The following GYG2 variants were observed in gnomAD, a reference collection of about 807,000 sequenced individuals.
GYG2 encodes glycogenin 2.
A neutral mutation model predicts 29.4 loss-of-function variants in GYG2; 29 were observed. The observed-to-expected ratio is 0.99, with a 90% CI of 0.74 to 1.35. The LOEUF is 1.35. GYG2 is among the 40% of genes most tolerant of loss of function. The pLI is 0.00. For synonymous variants in GYG2, 167 were observed against 172.3 expected (o/e 0.97, Z 0.24); for missense variants, 370 against 385.7 (o/e 0.96, Z 0.34).
chrX:2,859,924 G>A lies in GYG2; in HGVS notation c.696G>A (p.Ser232=), dbSNP rs766374174. The change falls in exon 7 of 11, where the codon TCG becomes TCA. Residue 232 remains serine (S), a synonymous_variant. Transcript: ENST00000398806. ...WNYKYNPQSG[S]VLEQGSASSS... ...ACAAGTACAATCCACAGAGTGGCTC[G>A]GTGTTGGAGCAAGGCTCAGCGTCCA... 1.0e-5 allele frequency: 12 copies of A among 1,197,634 alleles called. No homozygotes were observed. The East Asian group carries it at 1.2e-4, about 12-fold the overall frequency.
At chrX:2,869,032 A>G (rs1409903717) in intron 8 of GYG2, among the ~76,000 whole-genome samples, 1 of 101,830 alleles carries the variant, frequency 9.8e-6, no homozygotes, top group Non-Finnish European at 2.0e-5. Flanking sequence ...AAAAAAAAAG[A>G]GGGATGCTGT....
rs371017799 is a variant in GYG2, at chrX:2,835,907, T to A, written c.7+5712T>A. On this transcript the variant is annotated intron_variant, in intron 2 of 10. Transcript: ENST00000398806. The stretch of plus-strand genomic sequence containing the variant: ...GTAAGATGGCACAAGAGATGAAGGG[T>A]CCTGTGTCATAGGAGGTGAGGGACT... 1.5e-4 allele frequency among the ~76,000 whole-genome samples: 17 copies of A among 110,141 alleles called. No homozygotes were observed. In the East Asian group the frequency reaches 3.7e-3, roughly 24 times the overall value.
chrX:2,839,643 A>G (rs2087451843), intron 2 of GYG2, among the ~76,000 whole-genome samples: 1 of 111,072 alleles, frequency 9.0e-6, no homozygotes, highest in East Asian at 2.8e-4. Flanking sequence ...ATACTCCTTA[A>G]TGAGTGCAGG....
At chrX:2,833,462 C>A (rs1603458499) in intron 2 of GYG2, among the ~76,000 whole-genome samples, 2 of 111,406 alleles carry the variant, frequency 1.8e-5, no homozygotes, top group East Asian at 5.6e-4. Flanking sequence ...TCCCTGAGGT[C>A]CCCATGAAGA....
At chrX:2,859,737 G>A in intron 6 of GYG2, 106 bp from the exon 7 acceptor site, 2 of 478,773 alleles carry the variant, frequency 4.2e-6, no homozygotes, top group Non-Finnish European at 7.3e-6. Flanking sequence ...ATTGGGACAA[G>A]TCCTTCAGAG....
chrX:2,851,643 T>G (rs1180847763), intron 3 of GYG2, among the ~76,000 whole-genome samples: 2 of 112,220 alleles, frequency 1.8e-5, no homozygotes, highest in Non-Finnish European at 3.8e-5. Flanking sequence ...CAGTGTGTCA[T>G]GCTATGGAGT....
At chrX:2,865,506 C>T (rs753332236) in intron 8 of GYG2, among the ~76,000 whole-genome samples, 32 of 111,357 alleles carry the variant, frequency 2.9e-4, no homozygotes, top group Non-Finnish European at 5.3e-4. Flanking sequence ...TATGTAGCTT[C>T]GTGTTTGTCC....
At chrX:2,844,508 A>G (rs1424336545) in intron 3 of GYG2, among the ~76,000 whole-genome samples, 1 of 102,377 alleles carries the variant, frequency 9.8e-6, no homozygotes, top group Non-Finnish European at 2.0e-5. Flanking sequence ...GTGCGTATAT[A>G]TGTGTATACG....
chrX:2,852,864 G>A (rs746375457), intron 3 of GYG2: 7 of 110,711 alleles, frequency 6.3e-5, no homozygotes, highest in South Asian at 7.5e-4. Context: ...ATTATATATC[G>A]CTTCACAAAG....
chrX:2,870,796 A>G (rs940710221), intron 8 of GYG2, among the ~76,000 whole-genome samples: 3 of 111,771 alleles, frequency 2.7e-5, no homozygotes, highest in Non-Finnish European at 5.6e-5. Flanking sequence ...CTCACATTTA[A>G]TTATAGTCCA....
intron 3 of GYG2, among the ~76,000 whole-genome samples, chrX:2,848,559 AC>A (rs1569060154): frequency 3.0e-5 from 3 of 101,246 alleles, no homozygotes; most frequent in Non-Finnish European, 6.1e-5. Flanking sequence ...AAAAAAAAAA[AC>A]CTGACTATAT....
intron 6 of GYG2, among the ~76,000 whole-genome samples, chrX:2,858,608 T>G (rs150824923): frequency 2.5e-3 from 275 of 112,048 alleles, no homozygotes; most frequent in African/African-American, 8.4e-3. Flanking sequence ...GAGAATCACC[T>G]TGGGAATGAA....
At chrX:2,880,164 A>ATGTGTGTG (rs10534403) in intron 10 of GYG2, among the ~76,000 whole-genome samples, 1,071 of 105,199 alleles carry the variant, frequency 0.01, 8 homozygotes, top group Admixed American at 0.014. Flanking sequence ...GCCAAACAAA[A>ATGTGTGTG]TGTGTGTGTG....
In GYG2 at chrX:2,844,606, A is replaced by G. The variant is rs376566176; in HGVS notation, c.149+1252A>G. ...TGCGTATATGTGTATACGCACACGC[A>G]TGCGTATATGTGTATACGCACACGC... On this transcript the variant is annotated intron_variant, in intron 3 of 10. Coordinates refer to ENST00000398806, the MANE Select transcript of GYG2 (RefSeq NM_001079855.2). Among the ~76,000 whole-genome samples the G allele has an allele frequency of 1.8e-3, 66 of 37,204 alleles. 8 individuals carry two copies. The highest frequency in any genetic ancestry group is 0.013 in the Admixed American group (37 of 2,870). The allele number at this position is 37,204 out of a possible 115,157, so 32.3% of individuals were successfully genotyped here. A position where few individuals can be genotyped will look rare whatever the true frequency, so the allele number is the denominator to read the frequency against.
At chrX:2,847,591 C>T (rs958348143) in intron 3 of GYG2, among the ~76,000 whole-genome samples, 2 of 105,365 alleles carry the variant, frequency 1.9e-5, no homozygotes, top group African/African-American at 6.9e-5. Flanking sequence ...GTAATCCCAG[C>T]TACTCGGTGA....
chrX:2,863,723 C>G (rs1200464881), intron 8 of GYG2, among the ~76,000 whole-genome samples: 2 of 111,707 alleles, frequency 1.8e-5, no homozygotes, highest in Non-Finnish European at 3.8e-5. Context: ...GTGTAAAATG[C>G]GCTTTTCTGG....
intron 2 of GYG2, among the ~76,000 whole-genome samples, chrX:2,831,347 C>T (rs760324095): frequency 4.5e-5 from 5 of 112,082 alleles, no homozygotes; most frequent in Admixed American, 1.9e-4. Context: ...ATTACAGGCA[C>T]GAGCCACCAC....
chrX:2,868,717 G>C (rs1285049703), intron 8 of GYG2, among the ~76,000 whole-genome samples: 1 of 110,691 alleles, frequency 9.0e-6, no homozygotes, highest in Non-Finnish European at 1.9e-5. Flanking sequence ...AATAGCTAAT[G>C]CATGCGGGGC....
At chrX:2,863,608 T>G (rs1012903370) in intron 8 of GYG2, among the ~76,000 whole-genome samples, 2 of 112,394 alleles carry the variant, frequency 1.8e-5, no homozygotes, top group Non-Finnish European at 3.8e-5. Flanking sequence ...CTGGCGTAAA[T>G]TATGCTCTGG....
Sources: gnomAD v4.1 joint callset for allele counts (sites outside exome capture counted in the v4.1 genomes callset) on GRCh38, gnomAD v4.1.1 for gene constraint, MANE v1.5 for transcripts, NCBI Gene and HGNC (gene_info 2026-07-23, HGNC 2026-07-21) for gene names.